The following SIN3A variants were observed in gnomAD, a reference collection of about 807,000 sequenced individuals.
The protein encoded by SIN3A is SIN3 transcription regulator family member A.
Under a neutral mutation model 146.1 loss-of-function variants are expected in SIN3A, and 14 were observed. That is an observed-to-expected ratio of 0.10 (90% CI 0.06 to 0.15). The LOEUF (loss-of-function observed/expected upper bound fraction) is 0.15, where lower values mean the gene tolerates loss of function less well. Ranked by LOEUF, SIN3A falls within the 10% of genes least tolerant of loss-of-function variation. SIN3A has a pLI of 1.00. For synonymous variants in SIN3A, 572 were observed against 572.0 expected, an observed-to-expected ratio of 1.00 and a Z score of 0.00; for missense variants, 1,028 against 1,576.0, an observed-to-expected ratio of 0.65 and a Z score of 5.89.
chr15:75,454,124 CT>C (rs1240703694), upstream of SIN3A, among the ~76,000 whole-genome samples: 11 of 152,156 alleles, frequency 7.2e-5, no homozygotes, highest in East Asian at 5.8e-4. Context: ...GACCTTGCGC[CT>C]CACGTCATCC....
chr15:75,390,560 A>G lies in SIN3A; in HGVS notation c.2852-739T>C, dbSNP rs567798809. On this transcript the variant is annotated intron_variant, in intron 15 of 20. Coordinates refer to ENST00000394947, the MANE Select transcript of SIN3A (RefSeq NM_001145358.2). ...TTTAGCTTACTAAAGACCCATTTATATAAAGTTCAAAAATAGACAAATCTA... is the reference window on the plus strand; with the variant it reads ...TTTAGCTTACTAAAGACCCATTTATGTAAAGTTCAAAAATAGACAAATCTA... Among the ~76,000 whole-genome samples, 13 of 152,344 alleles carry G rather than the reference A, an allele frequency of 8.5e-5. No individual in the cohort carries two copies. The East Asian group carries it at 2.5e-3, about 29-fold the overall frequency.
chr15:75,417,375 TTTC>T (rs1339425695), intron 3 of SIN3A, among the ~76,000 whole-genome samples: 1 of 151,920 alleles, frequency 6.6e-6, no homozygotes, highest in East Asian at 1.9e-4. Flanking sequence ...AGCCAGTCTT[TTTC>T]TTTTTTTTTT....
At chr15:75,440,263 C>A (rs1170596805) in intron 1 of SIN3A, among the ~76,000 whole-genome samples, 1 of 151,036 alleles carries the variant, frequency 6.6e-6, no homozygotes, top group Non-Finnish European at 1.5e-5. Flanking sequence ...CACAGTCTTA[C>A]TTTGTCACCC....
At chr15:75,396,174 G>T in intron 13 of SIN3A, 84 bp downstream of exon 13, 1 of 1,005,256 alleles carries the variant, frequency 9.9e-7, no homozygotes, top group African/African-American at 1.6e-5. Context: ...GGACAACCAG[G>T]TTGAAAATGA....
At chr15:75,396,554 A>G in intron 12 of SIN3A, 58 bp from the exon 13 acceptor site, 1 of 1,215,692 alleles carries the variant, frequency 8.2e-7, no homozygotes, top group Non-Finnish European at 1.2e-6. Flanking sequence ...AGAATAGAGT[A>G]GTGTTTAGAA....
chr15:75,386,523 A>T (rs1239396105), intron 16 of SIN3A, among the ~76,000 whole-genome samples: 1 of 152,194 alleles, frequency 6.6e-6, no homozygotes, highest in African/African-American at 2.4e-5. Context: ...GGTGTTCAAT[A>T]GATTTTTTGA....
In SIN3A at chr15:75,371,702, T is replaced by G; in HGVS notation, c.*277A>C. ...TGCTGGTGTGTGCAAGCAAACTGCA[T>G]GTCTTTGCTTGCATGGACTTCCTTC... is the stretch of plus-strand genomic sequence containing the variant. On this transcript the variant is annotated 3_prime_UTR_variant, in exon 21 of 21. Transcript: ENST00000394947. 1 of 435,764 alleles carries G rather than the reference T, an allele frequency of 2.3e-6. No homozygotes were observed. 27.0% of individuals were successfully genotyped at this position (435,764 alleles called of 1,614,324 possible). A position where few individuals can be genotyped will look rare whatever the true frequency, so the allele number is the denominator to read the frequency against.
chr15:75,455,226 G>C (rs750270919), upstream of SIN3A, among the ~76,000 whole-genome samples: 33 of 152,016 alleles, frequency 2.2e-4, no homozygotes, highest in Non-Finnish European at 3.1e-4. Context: ...GGGAAGCCGC[G>C]GGCCCCGGCT....
upstream of SIN3A, chr15:75,454,026 G>A (rs577577740): frequency 1.3e-5 from 2 of 152,392 alleles, no homozygotes; most frequent in Non-Finnish European, 2.9e-5. Context: ...AGCGGAGGGA[G>A]GCGGGGAGCA....
Position 75,433,515 on chromosome 15 carries a change from T to TA in SIN3A, c.-33-3108dup, listed in dbSNP as rs1226479131. 2.0e-5 allele frequency among the ~76,000 whole-genome samples: 3 copies of TA among 152,236 alleles called. No individual in the cohort carries two copies. In the East Asian group the frequency reaches 5.8e-4, roughly 29 times the overall value. ...GCTTTCCATACCACCTCTACAACAC[T>TA]ACAGAGGCTGAACTTTCTCTGAACC... On this transcript the variant is annotated intron_variant, in intron 1 of 20. Coordinates refer to ENST00000394947, the MANE Select transcript of SIN3A (RefSeq NM_001145358.2).
chr15:75,451,320 G>C (rs1474617798), intron 1 of SIN3A, 103 bp downstream of exon 1: 2 of 129,172 alleles, frequency 1.5e-5, no homozygotes, highest in South Asian at 5.1e-4. Context: ...TGCTCTACGG[G>C]AAGCCGAGGA....
chr15:75,446,357 G>A (rs992506270), intron 1 of SIN3A: 6 of 148,504 alleles, frequency 4.0e-5, no homozygotes, highest in Non-Finnish European at 8.9e-5. Flanking sequence ...GGGCTCACAT[G>A]TGCTTGACAT....
chr15:75,401,086 T>C, intron 10 of SIN3A, 146 bp from the exon 11 acceptor site: 1 of 631,214 alleles, frequency 1.6e-6, no homozygotes, highest in Non-Finnish European at 2.8e-6. Context: ...TTCTGAGCAT[T>C]TGGTTTCCCC....
chr15:75,379,490 T>C (rs989952506), intron 19 of SIN3A, among the ~76,000 whole-genome samples: 1 of 152,230 alleles, frequency 6.6e-6, no homozygotes, highest in Non-Finnish European at 1.5e-5. Flanking sequence ...TCCTTCCTCA[T>C]ATCATGGTGA....
chr15:75,440,206 C>G (rs2074182604), intron 1 of SIN3A, among the ~76,000 whole-genome samples: 1 of 151,688 alleles, frequency 6.6e-6, no homozygotes, highest in Admixed American at 6.6e-5. Flanking sequence ...TTATTACTTA[C>G]TATTTTAACA....
intron 3 of SIN3A, 66 bp from the exon 4 acceptor site, chr15:75,414,377 A>C: frequency 1.2e-6 from 1 of 829,886 alleles, no homozygotes; most frequent in Non-Finnish European, 1.8e-6. Flanking sequence ...AAAAAAAACA[A>C]AAACAAATTA....
chr15:75,428,408 G>A (rs1383912690), intron 2 of SIN3A, among the ~76,000 whole-genome samples: 2 of 152,088 alleles, frequency 1.3e-5, no homozygotes, highest in Non-Finnish European at 2.9e-5. Context: ...TGACTTCCTG[G>A]GCTTGAGCAA....
chr15:75,398,985 A>G (rs2073356094), intron 12 of SIN3A, among the ~76,000 whole-genome samples: 1 of 151,786 alleles, frequency 6.6e-6, no homozygotes, highest in African/African-American at 2.4e-5. Flanking sequence ...ATGTATATCT[A>G]TGTAACAAAC....
chr15:75,441,173 G>A (rs2074203675), intron 1 of SIN3A, among the ~76,000 whole-genome samples: 1 of 151,952 alleles, frequency 6.6e-6, no homozygotes, highest in Non-Finnish European at 1.5e-5. Context: ...AGCCGGGCAT[G>A]GTGGCGTGTG....
Sources: gnomAD v4.1 joint callset for allele counts (sites outside exome capture counted in the v4.1 genomes callset) on GRCh38, gnomAD v4.1.1 for gene constraint, MANE v1.5 for transcripts, NCBI Gene and HGNC (gene_info 2026-07-23, HGNC 2026-07-21) for gene names.